Variants in FAM210A observed in about 807,000 individuals in gnomAD.
The protein encoded by FAM210A is family with sequence similarity 210 member A.
In FAM210A, 13 loss-of-function variants were observed where a neutral mutation model predicts 25.3. That is an observed-to-expected ratio of 0.51 (90% confidence interval 0.33 to 0.82). The LOEUF (loss-of-function observed/expected upper bound fraction) is 0.82. Among genes scored for constraint, FAM210A ranks in the 40% least tolerant of loss-of-function variants. The pLI is 0.02. For synonymous variants in FAM210A, 125 were observed against 118.7 expected, an observed-to-expected ratio of 1.05 and a Z score of -0.35; for missense variants, 319 against 323.2, an observed-to-expected ratio of 0.99 and a Z score of 0.10.
chr18:13,694,944 G>A (rs1029275520), intron 1 of FAM210A, among the ~76,000 whole-genome samples: 38 of 152,204 alleles, frequency 2.5e-4, no homozygotes, highest in African/African-American at 7.7e-4. Context: ...TACAGAATGG[G>A]AGAAAACTTT....
chr18:13,672,045 C>A lies in FAM210A; in HGVS notation c.474-72G>T, dbSNP rs1366920114. 3.9e-6 allele frequency: 4 copies of A among 1,033,928 alleles called. No homozygotes were observed. In the African/African-American group the frequency reaches 6.5e-5, roughly 17 times the overall value. 64.0% of individuals were successfully genotyped at this position (1,033,928 alleles called of 1,614,324 possible). ...TATTTTCAAAAATTATCTGAAAATA[C>A]CAAAACCACACTATAATTTTATTAA... On this transcript the variant is annotated intron_variant, in intron 2 of 3. Coordinates refer to ENST00000651643, the MANE Select transcript of FAM210A (RefSeq NM_152352.4).
intron 1 of FAM210A, among the ~76,000 whole-genome samples, chr18:13,694,261 G>A (rs905080519): frequency 7.0e-5 from 4 of 57,514 alleles, no homozygotes; most frequent in Admixed American, 2.4e-4. Context: ...CCATGCTTAC[G>A]GATAGGAAGA....
chr18:13,666,351 T>C lies in FAM210A; in HGVS notation c.*129A>G. The stretch of plus-strand genomic sequence containing the variant: ...ATTTAACTTTAAAAAGGTATTTTAC[T>C]TCTTTAACCCTCAGAGAACTAGTAT... On this transcript the variant is annotated 3_prime_UTR_variant, in exon 4 of 4. Transcript: ENST00000651643. 1.5e-6 allele frequency: 1 copy of C among 677,676 alleles called. No homozygotes were observed. 42.0% of individuals were successfully genotyped at this position (677,676 alleles called of 1,614,324 possible).
intron 1 of FAM210A, among the ~76,000 whole-genome samples, chr18:13,696,983 T>C (rs1234872746): frequency 6.6e-6 from 1 of 152,298 alleles, no homozygotes; most frequent in East Asian, 1.9e-4. Flanking sequence ...ATACTGCATT[T>C]TTACTGTAAC....
At chr18:13,707,000 A>G (rs1426629901) in intron 1 of FAM210A, among the ~76,000 whole-genome samples, 1 of 152,202 alleles carries the variant, frequency 6.6e-6, no homozygotes, top group Non-Finnish European at 1.5e-5. Context: ...GACAGTCATG[A>G]TAACAGTCTC....
At chr18:13,700,253 T>C (rs1168354946) in intron 1 of FAM210A, among the ~76,000 whole-genome samples, 4 of 152,198 alleles carry the variant, frequency 2.6e-5, no homozygotes, top group East Asian at 1.9e-4. Context: ...AACCCTTCCA[T>C]TGGAGAAACT....
chr18:13,716,616 G>A (rs935494703), intron 1 of FAM210A, among the ~76,000 whole-genome samples: 3 of 152,116 alleles, frequency 2.0e-5, no homozygotes, highest in Non-Finnish European at 2.9e-5. Flanking sequence ...TAATCCCCAC[G>A]TGTTAAGCGA....
intron 1 of FAM210A, among the ~76,000 whole-genome samples, chr18:13,703,025 C>T (rs908106452): frequency 2.0e-5 from 3 of 152,166 alleles, no homozygotes; most frequent in Admixed American, 1.3e-4. Flanking sequence ...CATGGGACCC[C>T]TTGGGAAAAA....
chr18:13,691,400 A>G (rs1484879558), intron 1 of FAM210A, among the ~76,000 whole-genome samples: 2 of 152,214 alleles, frequency 1.3e-5, no homozygotes, highest in Non-Finnish European at 2.9e-5. Context: ...CAGGAAATAC[A>G]GAGAACGCCA....
chr18:13,677,508 A>G (rs1206410740), intron 2 of FAM210A, among the ~76,000 whole-genome samples: 1 of 152,206 alleles, frequency 6.6e-6, no homozygotes, highest in Non-Finnish European at 1.5e-5. Context: ...AACACAACAG[A>G]ACAGAACAGG....
chr18:13,699,883 A>G (rs1359426625), intron 1 of FAM210A, among the ~76,000 whole-genome samples: 2 of 152,112 alleles, frequency 1.3e-5, no homozygotes, highest in African/African-American at 4.8e-5. Flanking sequence ...CCTTCATCTA[A>G]ACTTTTGCCA....
In FAM210A at chr18:13,726,344, AGCC is replaced by A; in HGVS notation, c.-47_-45del. 1.0e-4 allele frequency: 16 copies of A among 155,376 alleles called. No homozygotes were observed. The highest frequency in any genetic ancestry group is 2.0e-4 in the Non-Finnish European group (14 of 70,602). The allele number at this position is 155,376 out of a possible 1,614,324, so 9.6% of individuals were successfully genotyped here. ...CCCATGCTACCTCTTAGGACGCTGG[AGCC>A]GCCGCCGCCGCTTCCCGCCGCGCAG... On this transcript the variant is annotated 5_prime_UTR_variant, in exon 1 of 4. Coordinates refer to ENST00000651643, the MANE Select transcript of FAM210A (RefSeq NM_152352.4).
Position 13,668,404 on chromosome 18 carries a change from C to T in FAM210A, c.586-1691G>A, listed in dbSNP as rs2043417459. Among the ~76,000 whole-genome samples, 4 of 152,308 alleles carry T rather than the reference C, an allele frequency of 2.6e-5. No individual in the cohort carries two copies. The South Asian group carries it at 8.3e-4, about 32-fold the overall frequency. On this transcript the variant is annotated intron_variant, in intron 3 of 3. Transcript: ENST00000651643. ...CCTCTGAACGTGGTGTGACAACATTCGATCCCTGGACCTCTTATTTTCTCT... is the reference window on the plus strand; with the variant it reads ...CCTCTGAACGTGGTGTGACAACATTTGATCCCTGGACCTCTTATTTTCTCT...
At chr18:13,696,213 G>T (rs1021198653) in intron 1 of FAM210A, among the ~76,000 whole-genome samples, 16 of 152,152 alleles carry the variant, frequency 1.1e-4, no homozygotes, top group African/African-American at 3.9e-4. Flanking sequence ...ACTGTTTCTT[G>T]TATCAACAAC....
chr18:13,691,463 C>A (rs1025108185), intron 1 of FAM210A, among the ~76,000 whole-genome samples: 5 of 151,986 alleles, frequency 3.3e-5, no homozygotes, highest in African/African-American at 1.2e-4. Flanking sequence ...GTCAGATTCG[C>A]CAAAGTTGAA....
intron 1 of FAM210A, among the ~76,000 whole-genome samples, chr18:13,691,363 C>T (rs1340571734): frequency 6.6e-6 from 1 of 152,156 alleles, no homozygotes; most frequent in African/African-American, 2.4e-5. Flanking sequence ...CTTCCCCAGC[C>T]TAGCAAGGCA....
intron 2 of FAM210A, among the ~76,000 whole-genome samples, chr18:13,675,701 C>A (rs796488808): frequency 3.5e-5 from 1 of 28,952 alleles, no homozygotes; most frequent in Non-Finnish European, 7.9e-5. Flanking sequence ...CATTCCTGAG[C>A]CCCGACTTCA....
intron 1 of FAM210A, among the ~76,000 whole-genome samples, chr18:13,682,889 A>C (rs2043567858): frequency 6.6e-6 from 1 of 152,176 alleles, no homozygotes; most frequent in African/African-American, 2.4e-5. Context: ...TAAAATAATA[A>C]AAATCTCATA....
At chr18:13,681,418 T>G (rs189528229) in intron 2 of FAM210A, among the ~76,000 whole-genome samples, 187 bp downstream of exon 2, 1 of 152,362 alleles carries the variant, frequency 6.6e-6, no homozygotes, top group East Asian at 1.9e-4. Flanking sequence ...AGTTAAAAAC[T>G]GCACCAGATG....
Sources: gnomAD v4.1 joint callset for allele counts (sites outside exome capture counted in the v4.1 genomes callset) on GRCh38, gnomAD v4.1.1 for gene constraint, MANE v1.5 for transcripts, NCBI Gene and HGNC (gene_info 2026-07-23, HGNC 2026-07-21) for gene names.